Variants in UBXN7 observed in about 807,000 individuals in gnomAD.
The protein encoded by UBXN7 is UBX domain protein 7.
Under a neutral mutation model 58.0 loss-of-function variants are expected in UBXN7, and 9 were observed. The observed-to-expected ratio is 0.16, with a 90% CI of 0.09 to 0.27. The LOEUF (loss-of-function observed/expected upper bound fraction) is 0.27. UBXN7 is among the 10% of genes least tolerant of loss of function. The pLI is 1.00. For missense variants in UBXN7, 328 were observed against 599.6 expected (o/e 0.55, Z 4.73); for synonymous variants, 208 against 205.0 (o/e 1.01, Z -0.12).
intron 1 of UBXN7, among the ~76,000 whole-genome samples, chr3:196,409,024 T>C (rs968464417): frequency 6.6e-5 from 10 of 152,188 alleles, no homozygotes; most frequent in African/African-American, 2.4e-4. Context: ...GTAACTCCAA[T>C]TAGATGTATG....
chr3:196,382,199 A>G (rs1729228931), intron 5 of UBXN7, among the ~76,000 whole-genome samples: 1 of 152,200 alleles, frequency 6.6e-6, no homozygotes, highest in Non-Finnish European at 1.5e-5. Flanking sequence ...CAGATTCACC[A>G]AGGTTGAAAT....
intron 1 of UBXN7, among the ~76,000 whole-genome samples, chr3:196,410,279 T>C (rs973075670): frequency 6.6e-6 from 1 of 152,150 alleles, no homozygotes; most frequent in Non-Finnish European, 1.5e-5. Flanking sequence ...TTCAGCACTT[T>C]TTTTCTCAGC....
chr3:196,419,570 T>C (rs2108623639), intron 1 of UBXN7, among the ~76,000 whole-genome samples: 1 of 152,308 alleles, frequency 6.6e-6, no homozygotes, highest in Non-Finnish European at 1.5e-5. Flanking sequence ...GCGTATCACT[T>C]AGTGAATCAT....
chr3:196,357,751 T>C (rs1206668060), intron 10 of UBXN7, among the ~76,000 whole-genome samples: 3 of 152,012 alleles, frequency 2.0e-5, no homozygotes, highest in African/African-American at 7.3e-5. Flanking sequence ...TCCCAACTAC[T>C]TGGGAGGCTG....
chr3:196,359,332 T>C (rs528358102), intron 10 of UBXN7, among the ~76,000 whole-genome samples: 1 of 152,138 alleles, frequency 6.6e-6, no homozygotes, highest in Non-Finnish European at 1.5e-5. Flanking sequence ...AGTTTTCCCA[T>C]CTCTCTCCCT....
At chr3:196,386,078 C>T (rs1729383210) in intron 5 of UBXN7, among the ~76,000 whole-genome samples, 1 of 152,052 alleles carries the variant, frequency 6.6e-6, no homozygotes, top group Non-Finnish European at 1.5e-5. Flanking sequence ...TGACCTTACC[C>T]CCAACCCCAT....
Position 196,353,512 on chromosome 3 carries a change from G to C in UBXN7, c.*3173C>G, listed in dbSNP as rs1290996884. On this transcript the variant is annotated 3_prime_UTR_variant, in exon 11 of 11. Coordinates refer to ENST00000296328, the MANE Select transcript of UBXN7 (RefSeq NM_015562.2). ...CTTTTTTTTTTTTAAATTTGAGATG[G>C]AGTGTCGCTTTGTCGCCCAGGCTGG... 1 of 149,110 alleles carries C rather than the reference G, an allele frequency of 6.7e-6. No individual in the cohort carries two copies. Among genetic ancestry groups the C allele is most frequent in the Non-Finnish European group, 1.5e-5 (1 of 67,538 alleles). 9.2% of individuals were successfully genotyped at this position (149,110 alleles called of 1,614,324 possible). A position where few individuals can be genotyped will look rare whatever the true frequency, so the allele number is the denominator to read the frequency against.
chr3:196,395,178 G>GA (rs1335881036), intron 3 of UBXN7, among the ~76,000 whole-genome samples: 1 of 152,170 alleles, frequency 6.6e-6, no homozygotes, highest in Non-Finnish European at 1.5e-5. Context: ...AGATTAGACA[G>GA]AGACTACAGA....
At chr3:196,391,259 G>T (rs183136201) in intron 5 of UBXN7, among the ~76,000 whole-genome samples, 4 of 152,132 alleles carry the variant, frequency 2.6e-5, no homozygotes, top group Non-Finnish European at 2.9e-5. Context: ...AAATGACACC[G>T]CACAAGGCTA....
At chr3:196,393,456 G>A (rs1729645841) in intron 4 of UBXN7, 98 bp downstream of exon 4, 2 of 1,134,004 alleles carry the variant, frequency 1.8e-6, no homozygotes, top group South Asian at 1.6e-5. Context: ...TTTTAAAGAA[G>A]GTGAAAACTT....
chr3:196,380,507 T>A (rs774576670), intron 5 of UBXN7, among the ~76,000 whole-genome samples: 15 of 152,128 alleles, frequency 9.9e-5, no homozygotes, highest in Non-Finnish European at 2.1e-4. Flanking sequence ...TGTGGTGGGG[T>A]GTTCCAAGAT....
intron 5 of UBXN7, among the ~76,000 whole-genome samples, chr3:196,381,247 T>A (rs1376458626): frequency 6.6e-6 from 1 of 152,196 alleles, no homozygotes; most frequent in Non-Finnish European, 1.5e-5. Flanking sequence ...AGACACCTCA[T>A]ACAGGCGGCT....
chr3:196,420,600 G>T (rs1228138932), intron 1 of UBXN7, among the ~76,000 whole-genome samples: 1 of 151,906 alleles, frequency 6.6e-6, no homozygotes, highest in Non-Finnish European at 1.5e-5. Context: ...GTAGGCAGCA[G>T]CAGGGTGGCT....
chr3:196,367,884 G>T, intron 8 of UBXN7, 144 bp downstream of exon 8: 1 of 1,132,106 alleles, frequency 8.8e-7, no homozygotes, highest in Non-Finnish European at 1.2e-6. Context: ...CAAAATATAA[G>T]GAGGATATCT....
intron 5 of UBXN7, among the ~76,000 whole-genome samples, chr3:196,379,542 T>C (rs1023114300): frequency 2.6e-5 from 4 of 152,182 alleles, no homozygotes; most frequent in Admixed American, 6.5e-5. Context: ...GGAAAAAGAT[T>C]CAACTTCCGT....
chr3:196,361,850 T>C lies in UBXN7; in HGVS notation c.1302A>G (p.Lys434=). 3.7e-6 allele frequency: 6 copies of C among 1,613,580 alleles called. No homozygotes were observed. Among genetic ancestry groups the C allele is most frequent in the Non-Finnish European group, 5.1e-6 (6 of 1,179,824 alleles). Residue 434 remains lysine, a synonymous_variant, in exon 10 of 11, where the codon AAA becomes AAG. Coordinates refer to ENST00000296328, the MANE Select transcript of UBXN7 (RefSeq NM_015562.2). ...AAAGCAAGCCTGTACTTACTAGCAG[T>C]TTAGCTTGCTCTGGAAGAGTGATCT... is the stretch of plus-strand genomic sequence containing the variant. ...REQITLPEQA[K]LLALVKHVQS...
chr3:196,393,672 T>C, intron 3 of UBXN7, 53 bp from the exon 4 acceptor site: 1 of 1,536,384 alleles, frequency 6.5e-7, no homozygotes, highest in Non-Finnish European at 8.9e-7. Flanking sequence ...TTTGAAACAA[T>C]TCTAAAAATG....
In UBXN7 at chr3:196,373,092, T is replaced by G. The variant is rs142419706; in HGVS notation, c.469-1050A>C. ...AATGAATGCAATTGGTGTGTATATT[T>G]TACTTTGTTTTCTTCAACATCATTT... On this transcript the variant is annotated intron_variant, in intron 5 of 10. Transcript: ENST00000296328. Among the ~76,000 whole-genome samples the G allele has an allele frequency of 3.7e-4, 57 of 152,344 alleles. 1 individual carries two copies. Among genetic ancestry groups the G allele is most frequent in the African/African-American group, 1.1e-3 (44 of 41,586 alleles).
chr3:196,419,697 TC>T (rs1195164219), intron 1 of UBXN7, among the ~76,000 whole-genome samples: 2 of 151,774 alleles, frequency 1.3e-5, no homozygotes, highest in Non-Finnish European at 2.9e-5. Flanking sequence ...GCCTGGGGAG[TC>T]GGGGATACTA....
Sources: allele counts gnomAD v4.1 joint callset (sites outside exome capture counted in the v4.1 genomes callset), GRCh38; gene constraint gnomAD v4.1.1; transcripts MANE v1.5; gene names NCBI Gene and HGNC (gene_info 2026-07-23, HGNC 2026-07-21).